The following GUCY1A1 variants were observed in gnomAD, a reference collection of about 807,000 sequenced individuals.
GUCY1A1 encodes the protein guanylate cyclase soluble subunit alpha-1.
In GUCY1A1, 48 loss-of-function variants were observed where a neutral mutation model predicts 64.5. That is an observed-to-expected ratio of 0.74 (90% CI 0.59 to 0.95). The LOEUF (loss-of-function observed/expected upper bound fraction) is 0.95, where lower values mean the gene tolerates loss of function less well. Ranked by LOEUF, GUCY1A1 falls within the 40% of genes least tolerant of loss-of-function variation. The pLI is 0.00. For synonymous variants in GUCY1A1, 308 were observed against 303.4 expected (o/e 1.02, Z -0.16); for missense variants, 804 against 825.3 (o/e 0.97, Z 0.32).
intron 2 of GUCY1A1, among the ~76,000 whole-genome samples, chr4:155,678,807 T>G (rs2126579790): frequency 6.6e-6 from 1 of 152,366 alleles, no homozygotes; most frequent in South Asian, 2.1e-4. Flanking sequence ...ACCAGTAATC[T>G]GTGAGATTTC....
intron 2 of GUCY1A1, among the ~76,000 whole-genome samples, chr4:155,676,306 T>G (rs1463623874): frequency 5.3e-5 from 8 of 150,334 alleles, no homozygotes; most frequent in Non-Finnish European, 4.4e-5. Flanking sequence ...GCTGGTTTTT[T>G]TTTTTTTTTT....
chr4:155,721,613 C>T (rs1459652111), intron 8 of GUCY1A1, among the ~76,000 whole-genome samples: 1 of 152,090 alleles, frequency 6.6e-6, no homozygotes, highest in Non-Finnish European at 1.5e-5. Flanking sequence ...TTAGAGCTAG[C>T]TTCATTTGCC....
chr4:155,701,802 CAAA>C (rs34761852), intron 3 of GUCY1A1, among the ~76,000 whole-genome samples: 6 of 99,608 alleles, frequency 6.0e-5, no homozygotes, highest in Non-Finnish European at 8.4e-5. Flanking sequence ...ACTCTATATC[CAAA>C]AAAAAAAAAA....
At chr4:155,679,864 T>C (rs1246568639) in intron 2 of GUCY1A1, among the ~76,000 whole-genome samples, 1 of 152,240 alleles carries the variant, frequency 6.6e-6, no homozygotes, top group African/African-American at 2.4e-5. Context: ...CTGATTTTAT[T>C]GCCTTGACAC....
At chr4:155,710,505 T>C in intron 5 of GUCY1A1, 37 bp from the exon 6 acceptor site, 1 of 1,189,058 alleles carries the variant, frequency 8.4e-7, no homozygotes, top group Non-Finnish European at 1.2e-6. Context: ...CAAGGTGGCA[T>C]ATTTGATATG....
In GUCY1A1 at chr4:155,722,018, A is replaced by T. The variant is rs1734024327; in HGVS notation, c.1717-20A>T. On this transcript the variant is annotated intron_variant, in intron 8 of 9. Coordinates refer to ENST00000506455, the MANE Select transcript of GUCY1A1 (RefSeq NM_001130682.3). ...TGTTTTACCAGTGACTGGGAACATC[A>T]TGTTATTTTTTGCTTTCAGATGCGA... 2.0e-6 allele frequency: 3 copies of T among 1,529,870 alleles called. No individual in the cohort carries two copies. Among genetic ancestry groups the T allele is most frequent in the Non-Finnish European group, 2.7e-6 (3 of 1,104,362 alleles). 94.8% of individuals were successfully genotyped at this position (1,529,870 alleles called of 1,614,324 possible). A position where few individuals can be genotyped will look rare whatever the true frequency, so the allele number is the denominator to read the frequency against.
chr4:155,689,667 A>T (rs1729478947), intron 2 of GUCY1A1, among the ~76,000 whole-genome samples: 1 of 152,218 alleles, frequency 6.6e-6, no homozygotes, highest in South Asian at 2.1e-4. Context: ...TTGCCTCTTA[A>T]ATCTAATTTT....
intron 3 of GUCY1A1, among the ~76,000 whole-genome samples, chr4:155,700,113 T>A (rs1730893137): frequency 6.6e-6 from 1 of 152,190 alleles, no homozygotes; most frequent in African/African-American, 2.4e-5. Context: ...TGCTCTTTTT[T>A]CATGGGTATT....
At chr4:155,669,795 A>G (rs1302293952) in intron 2 of GUCY1A1, among the ~76,000 whole-genome samples, 1 of 152,156 alleles carries the variant, frequency 6.6e-6, no homozygotes, top group African/African-American at 2.4e-5. Context: ...CATAACTTTG[A>G]ATTTTTTCAG....
At chr4:155,703,661 A>C (rs1731375602) in intron 3 of GUCY1A1, among the ~76,000 whole-genome samples, 1 of 152,194 alleles carries the variant, frequency 6.6e-6, no homozygotes, top group Non-Finnish European at 1.5e-5. Flanking sequence ...TGTGGCTGTC[A>C]GTGAGACCAC....
In GUCY1A1 at chr4:155,703,839, G is replaced by A. The variant is rs79343131; in HGVS notation, c.256-93G>A. 5.2e-3 allele frequency: 4,044 copies of A among 777,586 alleles called. 23 individuals carry two copies. Among genetic ancestry groups the A allele is most frequent in the Non-Finnish European group, 7.2e-3 (3,316 of 461,806 alleles). The allele number at this position is 777,586 out of a possible 1,614,324, so 48.2% of individuals were successfully genotyped here. On this transcript the variant is annotated intron_variant, in intron 3 of 9. Transcript: ENST00000506455. ...CAATTGTATAATGTGCTTTATTCTC[G>A]AAAATAAATCTTCAGGATGCATTTT... is the stretch of plus-strand genomic sequence containing the variant.
rs1211422118 is a variant in GUCY1A1, at chr4:155,733,023, C to T, written c.*2792C>T. Among the ~76,000 whole-genome samples, 3 of 151,744 alleles carry T rather than the reference C, an allele frequency of 2.0e-5. No homozygotes were observed. The highest frequency in any genetic ancestry group is 4.4e-5 in the Non-Finnish European group (3 of 67,872). ...TCCATTTTGCTTTGTTTTTCTATAT[C>T]GATCTAGACTTTGTAGGAAAATGCA... On this transcript the variant is annotated 3_prime_UTR_variant, in exon 10 of 10. Coordinates refer to ENST00000506455, the MANE Select transcript of GUCY1A1 (RefSeq NM_001130682.3).
chr4:155,718,297 A>T (rs952059966), intron 8 of GUCY1A1, among the ~76,000 whole-genome samples: 3 of 152,162 alleles, frequency 2.0e-5, no homozygotes, highest in Non-Finnish European at 4.4e-5. Context: ...ATATTTGGAG[A>T]TTTACCCTTA....
intron 2 of GUCY1A1, among the ~76,000 whole-genome samples, chr4:155,669,455 G>A (rs996576475): frequency 1.3e-5 from 2 of 151,846 alleles, no homozygotes; most frequent in Admixed American, 6.6e-5. Flanking sequence ...ATCGTTTTCT[G>A]TCATTCGGAG....
In GUCY1A1 at chr4:155,734,022, G is replaced by T. The variant is rs1456360861; in HGVS notation, c.*3791G>T. Reference sequence around the variant, plus strand: ...TTCAGATCCTTTGGTAGGGAGGAAAGAAGAGTTGCTTCAGCATTTTGACTA... The same window carrying T: ...TTCAGATCCTTTGGTAGGGAGGAAATAAGAGTTGCTTCAGCATTTTGACTA... On this transcript the variant is annotated 3_prime_UTR_variant, in exon 10 of 10. Transcript: ENST00000506455. 2.0e-5 allele frequency among the ~76,000 whole-genome samples: 3 copies of T among 151,902 alleles called. No individual in the cohort carries two copies. Among genetic ancestry groups the T allele is most frequent in the Non-Finnish European group, 4.4e-5 (3 of 67,906 alleles).
At chr4:155,713,071 C>G (rs1477452150) in intron 6 of GUCY1A1, 27 bp from the exon 7 acceptor site, 2 of 1,566,086 alleles carry the variant, frequency 1.3e-6, no homozygotes, top group South Asian at 2.4e-5. Context: ...TTGAATAAAC[C>G]ACAATTGGTT....
chr4:155,695,742 C>G (rs1317261559), intron 2 of GUCY1A1, among the ~76,000 whole-genome samples: 4 of 152,120 alleles, frequency 2.6e-5, no homozygotes, highest in African/African-American at 9.7e-5. Flanking sequence ...ACATAGAGTT[C>G]CCAGCACTGT....
At chr4:155,723,040 C>CT (rs1460062554) in intron 9 of GUCY1A1, among the ~76,000 whole-genome samples, 2 of 152,176 alleles carry the variant, frequency 1.3e-5, no homozygotes, top group Non-Finnish European at 2.9e-5. Context: ...CCCCAACCTT[C>CT]TATCCACAAG....
chr4:155,677,181 G>A (rs1035257518), intron 2 of GUCY1A1, among the ~76,000 whole-genome samples: 3 of 152,140 alleles, frequency 2.0e-5, no homozygotes, highest in African/African-American at 7.2e-5. Context: ...GAATGAGTGA[G>A]TGAATAAATA....
Sources: allele counts gnomAD v4.1 joint callset (sites outside exome capture counted in the v4.1 genomes callset), GRCh38; gene constraint gnomAD v4.1.1; transcripts MANE v1.5; gene names NCBI Gene and HGNC (gene_info 2026-07-23, HGNC 2026-07-21).